Variants in SNTG1 observed in about 807,000 individuals in gnomAD.
SNTG1 encodes syntrophin gamma 1, also known as gamma-1-syntrophin.
A neutral mutation model predicts 74.7 loss-of-function variants in SNTG1; 39 were observed. That is an observed-to-expected ratio of 0.52 (90% confidence interval 0.40 to 0.68). The LOEUF is 0.68. Among genes scored for constraint, SNTG1 ranks in the 30% least tolerant of loss-of-function variants. The pLI is 0.00. For missense variants in SNTG1, 685 were observed against 609.5 expected (o/e 1.12, Z -1.30); for synonymous variants, 254 against 217.1 (o/e 1.17, Z -1.49).
At chr8:50,693,130 C>T (rs2095389560) in intron 15 of SNTG1, among the ~76,000 whole-genome samples, 1 of 152,116 alleles carries the variant, frequency 6.6e-6, no homozygotes, top group Admixed American at 6.5e-5. Flanking sequence ...GGGAGTGACC[C>T]AATTTTCCAG....
chr8:50,304,565 C>G (rs57368926), intron 2 of SNTG1, among the ~76,000 whole-genome samples: 1 of 151,736 alleles, frequency 6.6e-6, no homozygotes, highest in African/African-American at 2.4e-5. Flanking sequence ...ATATGACAGG[C>G]AATACCAAAT....
intron 9 of SNTG1, among the ~76,000 whole-genome samples, chr8:50,511,355 A>G (rs1026459484): frequency 2.6e-5 from 4 of 152,158 alleles, no homozygotes; most frequent in Non-Finnish European, 1.5e-5. Context: ...CAATTTTGGA[A>G]TAGGTGTGGT....
At chr8:50,231,079 C>CG in intron 2 of SNTG1, among the ~76,000 whole-genome samples, 1 of 151,056 alleles carries the variant, frequency 6.6e-6, no homozygotes, top group Non-Finnish European at 1.5e-5. Context: ...AAGAAATGGG[C>CG]AAGGAAACTG....
At chr8:50,417,332 G>A (rs1375733095) in intron 4 of SNTG1, among the ~76,000 whole-genome samples, 3 of 152,092 alleles carry the variant, frequency 2.0e-5, no homozygotes, top group Non-Finnish European at 4.4e-5. Context: ...GAGACTTAGC[G>A]ATTTATAGGA....
intron 12 of SNTG1, among the ~76,000 whole-genome samples, chr8:50,555,836 CTT>C (rs768577347): frequency 1.3e-5 from 2 of 152,070 alleles, no homozygotes; most frequent in African/African-American, 4.8e-5. Context: ...TGTATATAAA[CTT>C]TTTAATGATG....
chr8:50,416,735 T>C (rs937341449), intron 4 of SNTG1, among the ~76,000 whole-genome samples: 5 of 152,284 alleles, frequency 3.3e-5, no homozygotes, highest in African/African-American at 1.2e-4. Flanking sequence ...GTCTGTATCA[T>C]TGCCTTTTTC....
intron 1 of SNTG1, among the ~76,000 whole-genome samples, chr8:49,937,564 C>T (rs1337427878): frequency 6.6e-6 from 1 of 152,132 alleles, no homozygotes; most frequent in African/African-American, 2.4e-5. Flanking sequence ...TTGGAGAGTA[C>T]TGATGGAGAT....
chr8:50,092,085 A>G (rs1247073091), intron 1 of SNTG1, among the ~76,000 whole-genome samples: 1 of 152,140 alleles, frequency 6.6e-6, no homozygotes, highest in Non-Finnish European at 1.5e-5. Flanking sequence ...ACTGAATGAG[A>G]TTATAATTAA....
At chr8:50,075,641 A>G (rs1397425028) in intron 1 of SNTG1, among the ~76,000 whole-genome samples, 1 of 152,172 alleles carries the variant, frequency 6.6e-6, no homozygotes, top group Middle Eastern at 3.2e-3. Context: ...TACGCTGTGG[A>G]GCTTTGTTCT....
intron 1 of SNTG1, among the ~76,000 whole-genome samples, chr8:50,026,095 G>T (rs1191095845): frequency 6.6e-6 from 1 of 152,118 alleles, no homozygotes; most frequent in Non-Finnish European, 1.5e-5. Flanking sequence ...TCAAATGTTT[G>T]TCTATAAAGA....
chr8:50,710,656 C>T (rs1192919829), intron 17 of SNTG1, among the ~76,000 whole-genome samples: 1 of 152,078 alleles, frequency 6.6e-6, no homozygotes, highest in Non-Finnish European at 1.5e-5. Flanking sequence ...TAATACAGAC[C>T]TATGTCAGTG....
rs1017182067 is a variant in SNTG1 at position 50,448,945 on chromosome 8, G to A, written c.220-723G>A. Among the ~76,000 whole-genome samples the A allele has an allele frequency of 1.4e-4, 22 of 152,130 alleles. No individual in the cohort carries two copies. In the East Asian group the frequency reaches 2.3e-3, roughly 16 times the overall value. On this transcript the variant is annotated intron_variant, in intron 5 of 18. Transcript: ENST00000642720. ...CGGGAGGCTGAGGCAGGAGGATGGC[G>A]TGAACCCGGCAGGTGGAGGTTGCAG...
At chr8:50,523,547 G>A (rs2094196941) in intron 9 of SNTG1, among the ~76,000 whole-genome samples, 3 of 152,172 alleles carry the variant, frequency 2.0e-5, no homozygotes, top group Non-Finnish European at 2.9e-5. Flanking sequence ...AGCCCAAGGA[G>A]AGGGAGAGAG....
At chr8:50,425,402 G>A (rs1159798838) in intron 4 of SNTG1, among the ~76,000 whole-genome samples, 1 of 152,048 alleles carries the variant, frequency 6.6e-6, no homozygotes, top group Admixed American at 6.6e-5. Context: ...AGGGATCTAG[G>A]TTGTGCACTC....
intron 2 of SNTG1, among the ~76,000 whole-genome samples, chr8:50,228,294 C>A (rs1250419326): frequency 6.6e-6 from 1 of 151,718 alleles, no homozygotes; most frequent in Non-Finnish European, 1.5e-5. Context: ...AATGTGAGAC[C>A]ATTTCAAAAC....
chr8:50,149,012 C>A (rs531076760), intron 1 of SNTG1, among the ~76,000 whole-genome samples: 7 of 152,316 alleles, frequency 4.6e-5, no homozygotes, highest in African/African-American at 1.4e-4. Flanking sequence ...TACAGTCCCA[C>A]CAACAGTGTA....
At chr8:50,744,899 C>T (rs936934743) in intron 17 of SNTG1, among the ~76,000 whole-genome samples, 3 of 151,932 alleles carry the variant, frequency 2.0e-5, no homozygotes, top group Non-Finnish European at 4.4e-5. Context: ...CAAAAATTAA[C>T]TCAAAATGAG....
intron 8 of SNTG1, among the ~76,000 whole-genome samples, chr8:50,488,468 G>A (rs556235693): frequency 8.5e-5 from 13 of 152,170 alleles, no homozygotes; most frequent in African/African-American, 3.1e-4. Context: ...CCTATCAATG[G>A]GTCCTACCTT....
At chr8:50,780,811 G>A (rs2095657034) in intron 18 of SNTG1, among the ~76,000 whole-genome samples, 1 of 152,058 alleles carries the variant, frequency 6.6e-6, no homozygotes, top group South Asian at 2.1e-4. Context: ...GTCAATTTTG[G>A]ATCTTTCCTG....
Sources: gnomAD v4.1 joint callset for allele counts (sites outside exome capture counted in the v4.1 genomes callset) on GRCh38, gnomAD v4.1.1 for gene constraint, MANE v1.5 for transcripts, NCBI Gene and HGNC (gene_info 2026-07-23, HGNC 2026-07-21) for gene names.